The following FARP1 variants were observed in gnomAD, a reference collection of about 807,000 sequenced individuals.
The protein encoded by FARP1 is FERM, ARHGEF and pleckstrin domain-containing protein 1.
Under a neutral mutation model 128.8 loss-of-function variants are expected in FARP1, and 52 were observed. That is an observed-to-expected ratio of 0.40 (90% CI 0.32 to 0.51). The LOEUF is 0.51. FARP1 is among the 20% of genes least tolerant of loss of function. The probability of loss-of-function intolerance (pLI) is 0.45; values close to 1 mark genes in which losing one functional copy is unlikely to be tolerated. For missense variants in FARP1, 1,333 were observed against 1,367.9 expected, an observed-to-expected ratio of 0.97 and a Z score of 0.40; for synonymous variants, 580 against 551.8, an observed-to-expected ratio of 1.05 and a Z score of -0.72.
chr13:98,171,508 C>T (rs936347656), intron 1 of FARP1, among the ~76,000 whole-genome samples: 25 of 152,180 alleles, frequency 1.6e-4, no homozygotes, highest in African/African-American at 6.0e-4. Context: ...TTTATCTGCT[C>T]TTGTTCCTGC....
chr13:98,224,192 A>G (rs898408926), intron 2 of FARP1, among the ~76,000 whole-genome samples: 2 of 152,178 alleles, frequency 1.3e-5, no homozygotes, highest in Non-Finnish European at 2.9e-5. Flanking sequence ...TTACTTTCCC[A>G]GGGCAGCCAT....
At chr13:98,417,456 A>AG (rs1491247838) in intron 16 of FARP1, among the ~76,000 whole-genome samples, 4 of 36,912 alleles carry the variant, frequency 1.1e-4, no homozygotes, top group African/African-American at 5.5e-4. Flanking sequence ...CAGAGGTTTG[A>AG]AAAAAAAAAA....
intron 1 of FARP1, among the ~76,000 whole-genome samples, chr13:98,180,641 C>A (rs4771295): frequency 6.6e-6 from 1 of 152,032 alleles, no homozygotes; most frequent in South Asian, 2.1e-4. Flanking sequence ...GATTTTTCAG[C>A]TCACTTTATT....
At chr13:98,443,604 C>T (rs567474342) in intron 24 of FARP1, among the ~76,000 whole-genome samples, 5 of 152,286 alleles carry the variant, frequency 3.3e-5, no homozygotes, top group East Asian at 3.9e-4. Flanking sequence ...GAGGAAGGGG[C>T]GTATCTGGGG....
intron 23 of FARP1, 123 bp from the exon 24 acceptor site, chr13:98,440,547 T>C (rs1246410349): frequency 2.0e-6 from 2 of 980,298 alleles, no homozygotes; most frequent in Non-Finnish European, 3.0e-6. Flanking sequence ...CTCATTAGAT[T>C]CTGGTTGGGC....
At chr13:98,419,944 G>A (rs1422273164) in intron 16 of FARP1, among the ~76,000 whole-genome samples, 1 of 152,050 alleles carries the variant, frequency 6.6e-6, no homozygotes, top group Non-Finnish European at 1.5e-5. Context: ...GGGCCCATGG[G>A]GTATGCAGTG....
At chr13:98,260,725 C>T (rs1352794757) in intron 2 of FARP1, among the ~76,000 whole-genome samples, 2 of 152,238 alleles carry the variant, frequency 1.3e-5, no homozygotes, top group Non-Finnish European at 2.9e-5. Context: ...AGTTCTAACA[C>T]GTAAGCTGCG....
At chr13:98,312,655 G>A (rs909192668) in intron 2 of FARP1, among the ~76,000 whole-genome samples, 1 of 152,158 alleles carries the variant, frequency 6.6e-6, no homozygotes, top group African/African-American at 2.4e-5. Flanking sequence ...GGGCAGAGCT[G>A]TTTTTTAAAA....
chr13:98,288,402 G>A (rs577961635), intron 2 of FARP1, among the ~76,000 whole-genome samples: 12 of 152,128 alleles, frequency 7.9e-5, no homozygotes, highest in Non-Finnish European at 1.8e-4. Flanking sequence ...CCATGTCTGC[G>A]CTTCATTGGA....
intron 2 of FARP1, among the ~76,000 whole-genome samples, chr13:98,245,650 A>G (rs541150629): frequency 6.6e-6 from 1 of 152,232 alleles, no homozygotes; most frequent in African/African-American, 2.4e-5. Flanking sequence ...TAATAGAACT[A>G]TTCTTTAGAA....
At chr13:98,425,051 A>G (rs1317405774) in intron 17 of FARP1, among the ~76,000 whole-genome samples, 3 of 151,898 alleles carry the variant, frequency 2.0e-5, no homozygotes, top group Non-Finnish European at 4.4e-5. Flanking sequence ...TGTTCGGCAA[A>G]CCCTTCTCCA....
At chr13:98,354,782 G>A (rs1023192896) in intron 3 of FARP1, among the ~76,000 whole-genome samples, 2 of 152,168 alleles carry the variant, frequency 1.3e-5, no homozygotes, top group Non-Finnish European at 2.9e-5. Context: ...TTGTTAAACA[G>A]ACTATGGTAT....
intron 8 of FARP1, 29 bp downstream of exon 8, chr13:98,385,843 C>A: frequency 6.2e-7 from 1 of 1,609,696 alleles, no homozygotes; most frequent in Non-Finnish European, 8.5e-7. Flanking sequence ...CGGCCTGGTT[C>A]CCTTGGTGAC....
chr13:98,173,727 G>A (rs955317330), intron 1 of FARP1, among the ~76,000 whole-genome samples: 4 of 152,226 alleles, frequency 2.6e-5, no homozygotes, highest in African/African-American at 9.6e-5. Context: ...TGGCTGATGT[G>A]TTCTTTTGAC....
intron 2 of FARP1, chr13:98,244,710 G>A: frequency 6.2e-7 from 1 of 1,611,414 alleles, no homozygotes; most frequent in Non-Finnish European, 8.5e-7. Flanking sequence ...TCTTTTTTGA[G>A]TCAGGACTTG....
chr13:98,203,064 A>T (rs1004418106), intron 1 of FARP1, among the ~76,000 whole-genome samples: 1 of 152,184 alleles, frequency 6.6e-6, no homozygotes, highest in Non-Finnish European at 1.5e-5. Context: ...GTACAAAATT[A>T]AAAAGGTCCA....
At chr13:98,204,436 C>T (rs1566737174) in intron 1 of FARP1, among the ~76,000 whole-genome samples, 1 of 152,132 alleles carries the variant, frequency 6.6e-6, no homozygotes, top group Non-Finnish European at 1.5e-5. Context: ...TACTCCTTTC[C>T]CTGCCAGTTT....
At chr13:98,379,231 T>TA (rs1269408326) in intron 6 of FARP1, among the ~76,000 whole-genome samples, 7 of 125,060 alleles carry the variant, frequency 5.6e-5, no homozygotes, top group African/African-American at 2.2e-4. Context: ...AATCTATCTA[T>TA]ATATAATCTA....
intron 6 of FARP1, among the ~76,000 whole-genome samples, chr13:98,378,909 A>ATAAT (rs59298355): frequency 0.042 from 3,391 of 81,514 alleles, 165 homozygotes; most frequent in South Asian, 0.095. Context: ...ATATATATAT[A>ATAAT]ATATATATAT....
Sources: allele counts gnomAD v4.1 joint callset (sites outside exome capture counted in the v4.1 genomes callset), GRCh38; gene constraint gnomAD v4.1.1; transcripts MANE v1.5; gene names NCBI Gene and HGNC (gene_info 2026-07-23, HGNC 2026-07-21).